LINGO2: variants seen among roughly 807,000 people sequenced by gnomAD.
The protein encoded by LINGO2 is leucine rich repeat and Ig domain containing 2, also known as leucine-rich repeat and immunoglobulin-like domain-containing nogo receptor-interacting protein 2.
A neutral mutation model predicts 30.6 loss-of-function variants in LINGO2; 14 were observed. The observed-to-expected ratio is 0.46, with a 90% confidence interval of 0.30 to 0.72. The LOEUF is 0.72. Among genes scored for constraint, LINGO2 ranks in the 30% least tolerant of loss-of-function variants. The probability of loss-of-function intolerance (pLI) is 0.07; values close to 1 mark genes in which losing one functional copy is unlikely to be tolerated. For synonymous variants in LINGO2, 317 were observed against 288.5 expected (o/e 1.10, Z -1.00); for missense variants, 729 against 751.7 (o/e 0.97, Z 0.35).
chr9:28,053,707 T>TA (rs1450725721), intron 4 of LINGO2, among the ~76,000 whole-genome samples: 3 of 152,098 alleles, frequency 2.0e-5, no homozygotes, highest in African/African-American at 7.2e-5. Context: ...GAAATCTTGA[T>TA]ATAATAGGTC....
chr9:28,337,122 G>A (rs1228344548), intron 3 of LINGO2, among the ~76,000 whole-genome samples: 2 of 149,346 alleles, frequency 1.3e-5, no homozygotes, highest in African/African-American at 4.9e-5. Flanking sequence ...TATGTATATA[G>A]AGAAATTCCT....
chr9:28,758,461 C>T, the LINGO2 span, among the ~76,000 whole-genome samples: 2 of 152,042 alleles, frequency 1.3e-5, no homozygotes, highest in Non-Finnish European at 2.9e-5. Flanking sequence ...CTCTTACTGG[C>T]AGCTGGTTTG....
intron 1 of LINGO2, among the ~76,000 whole-genome samples, chr9:28,624,322 CT>C (rs950498908): frequency 6.6e-6 from 1 of 151,568 alleles, no homozygotes; most frequent in East Asian, 1.9e-4. Context: ...TCATGTACAG[CT>C]TTTTTTTATA....
chr9:28,556,759 A>G (rs1402084393), intron 1 of LINGO2, among the ~76,000 whole-genome samples: 6 of 151,922 alleles, frequency 3.9e-5, no homozygotes, highest in Non-Finnish European at 1.5e-5. Flanking sequence ...CTACAAGGCT[A>G]CAGTAACCAA....
At chr9:28,423,535 C>T (rs1823288573) in intron 2 of LINGO2, among the ~76,000 whole-genome samples, 2 of 152,060 alleles carry the variant, frequency 1.3e-5, no homozygotes, top group South Asian at 4.1e-4. Flanking sequence ...AGGATGCTAC[C>T]TGTCACTAAA....
chr9:28,326,038 G>C, intron 3 of LINGO2, among the ~76,000 whole-genome samples: 1 of 152,192 alleles, frequency 6.6e-6, no homozygotes, highest in South Asian at 2.1e-4. Context: ...ACAAAGTCTC[G>C]CTCTGTCGCT....
chr9:28,559,310 TA>T (rs1822916256), intron 1 of LINGO2, among the ~76,000 whole-genome samples: 2 of 152,154 alleles, frequency 1.3e-5, no homozygotes, highest in African/African-American at 4.8e-5. Context: ...CTCAGATCTT[TA>T]TTCTGAAATG....
chr9:29,119,661 C>G, the LINGO2 span, among the ~76,000 whole-genome samples: 1 of 139,796 alleles, frequency 7.2e-6, no homozygotes, highest in African/African-American at 2.6e-5. Flanking sequence ...TCTTGGCTCA[C>G]TACAACTTCC....
chr9:28,696,363 G>C, the LINGO2 span, among the ~76,000 whole-genome samples: 1 of 151,816 alleles, frequency 6.6e-6, no homozygotes. Context: ...CCAAAAATTT[G>C]AAGTCACACA....
At chr9:29,054,502 T>G in the LINGO2 span, among the ~76,000 whole-genome samples, 1 of 152,288 alleles carries the variant, frequency 6.6e-6, no homozygotes, top group South Asian at 2.1e-4. Flanking sequence ...CTACTTTCAT[T>G]TAGTACCTGA....
chr9:28,897,865 AATAG>A, the LINGO2 span, among the ~76,000 whole-genome samples: 3 of 152,144 alleles, frequency 2.0e-5, no homozygotes, highest in East Asian at 3.9e-4. Flanking sequence ...AGTTTCCCAT[AATAG>A]ATAGAAATTT....
intron 1 of LINGO2, among the ~76,000 whole-genome samples, chr9:28,507,886 A>G (rs1396152132): frequency 6.6e-6 from 1 of 152,090 alleles, no homozygotes; most frequent in East Asian, 1.9e-4. Flanking sequence ...TAAAAATTTC[A>G]CTTAGGTATT....
At chr9:28,266,447 C>A (rs958266826) in intron 4 of LINGO2, among the ~76,000 whole-genome samples, 1 of 151,954 alleles carries the variant, frequency 6.6e-6, no homozygotes, top group Non-Finnish European at 1.5e-5. Context: ...CAGGGCAAAC[C>A]CAGAATTTCC....
At chr9:28,371,864 T>G (rs1564156715) in intron 3 of LINGO2, among the ~76,000 whole-genome samples, 1 of 152,208 alleles carries the variant, frequency 6.6e-6, no homozygotes, top group Non-Finnish European at 1.5e-5. Context: ...TATGCTCATT[T>G]ATCAGATACA....
At chr9:28,955,454 G>A in the LINGO2 span, among the ~76,000 whole-genome samples, 4 of 152,032 alleles carry the variant, frequency 2.6e-5, no homozygotes, top group Non-Finnish European at 5.9e-5. Context: ...CTTCTGCCAT[G>A]ACCTGAAAGC....
intron 4 of LINGO2, among the ~76,000 whole-genome samples, chr9:28,047,866 G>A (rs901767712): frequency 1.3e-5 from 2 of 150,686 alleles, no homozygotes. Flanking sequence ...TTGCCAGAAT[G>A]GGACTAAAAA....
chr9:28,119,924 G>C (rs1827044727), intron 4 of LINGO2, among the ~76,000 whole-genome samples: 1 of 152,066 alleles, frequency 6.6e-6, no homozygotes, highest in African/African-American at 2.4e-5. Flanking sequence ...TTATTTCACA[G>C]GTCAGACCAC....
At chr9:28,623,715 T>C (rs1251890948) in intron 1 of LINGO2, among the ~76,000 whole-genome samples, 1 of 152,096 alleles carries the variant, frequency 6.6e-6, no homozygotes. Flanking sequence ...AGGATTTTTT[T>C]TTCTATTTCT....
chr9:28,563,838 A>G (rs1024383754), intron 1 of LINGO2, among the ~76,000 whole-genome samples: 2 of 151,956 alleles, frequency 1.3e-5, no homozygotes, highest in South Asian at 2.1e-4. Flanking sequence ...CAAGTAAACC[A>G]CCTCCTGAGT....
Sources: allele counts gnomAD v4.1 joint callset (sites outside exome capture counted in the v4.1 genomes callset), GRCh38; gene constraint gnomAD v4.1.1; transcripts MANE v1.5; gene names NCBI Gene and HGNC (gene_info 2026-07-23, HGNC 2026-07-21).